The following CD96 variants were observed in gnomAD, a reference collection of about 807,000 sequenced individuals.
CD96 encodes T-cell surface protein tactile.
A neutral mutation model predicts 71.3 loss-of-function variants in CD96; 70 were observed. The ratio of observed to expected loss-of-function variants is 0.98; its 90% CI spans 0.81 to 1.20. The LOEUF (loss-of-function observed/expected upper bound fraction) is 1.20, where lower values mean the gene tolerates loss of function less well. CD96 is among the 50% of genes most tolerant of loss of function. The pLI, the probability that CD96 is intolerant of heterozygous loss-of-function variation, is 0.00. For synonymous variants in CD96, 248 were observed against 233.0 expected (o/e 1.06, Z -0.59); for missense variants, 742 against 677.5 (o/e 1.10, Z -1.06).
intron 4 of CD96, among the ~76,000 whole-genome samples, chr3:111,580,976 C>CT (rs1190399501): frequency 6.6e-6 from 1 of 152,184 alleles, no homozygotes; most frequent in Non-Finnish European, 1.5e-5. Flanking sequence ...TTGATCAAGA[C>CT]TTTTTGCATC....
chr3:111,546,152 T>G (rs938727183), intron 2 of CD96, among the ~76,000 whole-genome samples: 24 of 152,096 alleles, frequency 1.6e-4, no homozygotes, highest in African/African-American at 5.6e-4. Context: ...CAAATTTTGT[T>G]CATTGGGCAT....
intron 5 of CD96, among the ~76,000 whole-genome samples, chr3:111,590,412 A>G (rs560207554): frequency 6.6e-6 from 1 of 152,332 alleles, no homozygotes; most frequent in South Asian, 2.1e-4. Flanking sequence ...TGTTCACTAC[A>G]CTAGCAGCCC....
chr3:111,579,437 T>C, intron 4 of CD96: 1 of 654,276 alleles, frequency 1.5e-6, no homozygotes, highest in South Asian at 1.6e-5. Context: ...GTTAACAGAA[T>C]AAAATCATAC....
At chr3:111,570,907 G>T in intron 3 of CD96, 4 of 1,591,798 alleles carry the variant, frequency 2.5e-6, no homozygotes, top group Non-Finnish European at 3.4e-6. Flanking sequence ...GGCATTTCCT[G>T]CTCAGTGCAT....
At chr3:111,623,844 T>G in intron 9 of CD96, 22 bp downstream of exon 9, 1 of 1,526,764 alleles carries the variant, frequency 6.5e-7, no homozygotes, top group African/African-American at 1.4e-5. Context: ...AAAGTTTTCC[T>G]ACATGATTGG....
intron 10 of CD96, among the ~76,000 whole-genome samples, chr3:111,625,095 A>G (rs1938685617): frequency 6.6e-6 from 1 of 152,236 alleles, no homozygotes; most frequent in African/African-American, 2.4e-5. Context: ...CACAAAGCGT[A>G]ATGTGTATGT....
intron 5 of CD96, among the ~76,000 whole-genome samples, chr3:111,590,737 G>A (rs1272343830): frequency 6.6e-6 from 1 of 152,126 alleles, no homozygotes; most frequent in Non-Finnish European, 1.5e-5. Context: ...GCAGGTTTTT[G>A]TATTAGAGCA....
At chr3:111,557,147 T>A (rs1416314502) in intron 2 of CD96, among the ~76,000 whole-genome samples, 1 of 109,296 alleles carries the variant, frequency 9.1e-6, no homozygotes, top group African/African-American at 4.5e-5. Flanking sequence ...TTCTCCCATT[T>A]TGTAGGTTGC....
intron 3 of CD96, among the ~76,000 whole-genome samples, chr3:111,574,885 G>T (rs771297806): frequency 8.6e-5 from 13 of 151,846 alleles, no homozygotes; most frequent in Non-Finnish European, 1.5e-4. Flanking sequence ...CCAGGCTCAG[G>T]TGATCCTCCC....
At chr3:111,649,430 G>A (rs1939978775) in intron 13 of CD96, among the ~76,000 whole-genome samples, 1 of 152,184 alleles carries the variant, frequency 6.6e-6, no homozygotes, top group African/African-American at 2.4e-5. Context: ...AGTTTTATCT[G>A]TAGATGGTGA....
chr3:111,653,028 G>T (rs112074609), downstream of CD96, among the ~76,000 whole-genome samples: 1 of 151,974 alleles, frequency 6.6e-6, no homozygotes, highest in Admixed American at 6.6e-5. Context: ...TCATATGTTC[G>T]TTTCCTTACC....
rs28809607 is a variant in CD96 at position 111,660,362 on chromosome 3, G to A, written c.*53-5165G>A. Among the ~76,000 whole-genome samples, 385 of 152,180 alleles carry A rather than the reference G, an allele frequency of 2.5e-3. 2 individuals carry two copies. The highest frequency in any genetic ancestry group is 8.7e-3 in the African/African-American group (363 of 41,516). ...TACAAAACACTGTTGAAAGAAATCA[G>A]AGATGACACAAATAAATGGAAAAAC... is the stretch of plus-strand genomic sequence containing the variant. On this transcript the variant is annotated intron_variant and NMD_transcript_variant, in intron 14 of 14. Transcript: ENST00000494798.
chr3:111,664,236 G>A (rs1940427799), intron 14 of CD96, among the ~76,000 whole-genome samples: 1 of 152,112 alleles, frequency 6.6e-6, no homozygotes, highest in Non-Finnish European at 1.5e-5. Context: ...GCCCTTCACA[G>A]TATCAAAAAT....
At position 111,638,096 on chromosome 3, in the gene CD96, A is replaced by G. The variant is rs950927228; in HGVS notation, c.1405A>G (p.Thr469Ala). The change falls in exon 12 of 14, where the codon ACA becomes GCA. Residue 469 changes from threonine to alanine, a missense_variant. By Grantham distance (58) the Thr-to-Ala change is moderately conservative. Coordinates refer to ENST00000352690, the MANE Select transcript of CD96 (RefSeq NM_005816.5). Reference protein sequence around the residue: ...STLHDNVFTSTARAFSEVPTT... With the variant: ...STLHDNVFTSAARAFSEVPTT... ...ATCCCTAGACAATGTCTTTACCAGC[A>G]CAGCCAGAGCATTTTCAGAAGTCCC... The G allele has an allele frequency of 1.2e-6, 2 of 1,607,074 alleles. No individual in the cohort carries two copies. Among genetic ancestry groups the G allele is most frequent in the Admixed American group, 3.3e-5 (2 of 60,006 alleles).
At chr3:111,636,777 G>A (rs934007185) in intron 10 of CD96, among the ~76,000 whole-genome samples, 1 of 152,126 alleles carries the variant, frequency 6.6e-6, no homozygotes, top group African/African-American at 2.4e-5. Flanking sequence ...AAGTGTTTTC[G>A]TCCCCTATGC....
intron 11 of CD96, 37 bp from the exon 12 acceptor site, chr3:111,638,042 G>A (rs778902052): frequency 9.2e-6 from 10 of 1,091,758 alleles, no homozygotes; most frequent in East Asian, 2.4e-5. Flanking sequence ...TGATCAAGTT[G>A]AGATGTCTTG....
At chr3:111,631,061 T>C (rs1228043823) in intron 10 of CD96, among the ~76,000 whole-genome samples, 1 of 152,050 alleles carries the variant, frequency 6.6e-6, no homozygotes, top group Non-Finnish European at 1.5e-5. Context: ...ATGGGCAAAA[T>C]CTGGTAGCAT....
chr3:111,554,342 T>C (rs1349240597), intron 2 of CD96, among the ~76,000 whole-genome samples: 2 of 152,120 alleles, frequency 1.3e-5, no homozygotes, highest in East Asian at 3.8e-4. Context: ...TGATCACATT[T>C]GATAGATTTT....
intron 9 of CD96, 89 bp downstream of exon 9, chr3:111,623,911 C>A: frequency 1.2e-6 from 1 of 863,358 alleles, no homozygotes; most frequent in Non-Finnish European, 2.0e-6. Flanking sequence ...GACGTTTCAG[C>A]AAACAGCTGT....
Sources: allele counts gnomAD v4.1 joint callset (sites outside exome capture counted in the v4.1 genomes callset), GRCh38; gene constraint gnomAD v4.1.1; transcripts MANE v1.5; gene names NCBI Gene and HGNC (gene_info 2026-07-23, HGNC 2026-07-21).